The following TRPM3 variants were observed in gnomAD, a reference collection of about 807,000 sequenced individuals.
TRPM3 encodes the protein transient receptor potential cation channel subfamily M member 3.
TRPM3 carries 77 observed loss-of-function variants against 181.2 expected under a neutral mutation model. The observed-to-expected ratio is 0.42, with a 90% CI of 0.35 to 0.51. The LOEUF (loss-of-function observed/expected upper bound fraction) is 0.51, where lower values mean the gene tolerates loss of function less well. Among genes scored for constraint, TRPM3 ranks in the 20% least tolerant of loss-of-function variants. The pLI is 0.01. For missense variants in TRPM3, 1,759 were observed against 2,196.7 expected, an observed-to-expected ratio of 0.80 and a Z score of 3.98; for synonymous variants, 745 against 796.4, an observed-to-expected ratio of 0.94 and a Z score of 1.09.
At chr9:71,299,329 T>C (rs1363163168) in intron 1 of TRPM3, among the ~76,000 whole-genome samples, 1 of 152,222 alleles carries the variant, frequency 6.6e-6, no homozygotes, top group Admixed American at 6.5e-5. Context: ...GACTTAACTC[T>C]GTGCCCAGTG....
intron 1 of TRPM3, among the ~76,000 whole-genome samples, chr9:71,345,188 C>A (rs1337598927): frequency 1.3e-5 from 2 of 152,142 alleles, no homozygotes; most frequent in African/African-American, 4.8e-5. Context: ...GTGGTGATTC[C>A]TCAAGGATCT....
rs1554672201 is a variant in TRPM3, at chr9:70,692,069, CT to C, written c.1273-10492del. ...GGGTTGGACACGCTTGCGGGGCTTT[CT>C]TTTTTCCCCCCTGCCATAGGCAGAG... On this transcript the variant is annotated intron_variant, in intron 8 of 25. Transcript: ENST00000677713. Among the ~76,000 whole-genome samples, 2 of 152,152 alleles carry C rather than the reference CT, an allele frequency of 1.3e-5. 1 individual carries two copies. Among genetic ancestry groups the C allele is most frequent in the Admixed American group, 1.3e-4 (2 of 15,284 alleles).
intron 5 of TRPM3, among the ~76,000 whole-genome samples, chr9:70,832,740 G>A (rs1235417685): frequency 6.6e-6 from 1 of 152,140 alleles, no homozygotes; most frequent in Non-Finnish European, 1.5e-5. Context: ...GCTAATCTAA[G>A]AAAACTGCTT....
intron 1 of TRPM3, among the ~76,000 whole-genome samples, chr9:71,227,173 A>G (rs988532226): frequency 1.3e-5 from 2 of 151,758 alleles, no homozygotes; most frequent in Non-Finnish European, 2.9e-5. Context: ...ATAATGGAAT[A>G]AAACTAGAAA....
intron 7 of TRPM3, among the ~76,000 whole-genome samples, chr9:70,765,573 C>A (rs2078949259): frequency 6.6e-6 from 1 of 152,004 alleles, no homozygotes; most frequent in Non-Finnish European, 1.5e-5. Flanking sequence ...GCCTGGGCAG[C>A]AAAGCACGAC....
intron 1 of TRPM3, among the ~76,000 whole-genome samples, chr9:71,336,590 A>G (rs767485972): frequency 7.2e-5 from 11 of 152,122 alleles, no homozygotes; most frequent in Non-Finnish European, 1.3e-4. Context: ...TCACTGAATT[A>G]GAAAAAAACT....
At chr9:71,006,820 G>A (rs1161636837) in intron 1 of TRPM3, among the ~76,000 whole-genome samples, 44 of 146,480 alleles carry the variant, frequency 3.0e-4, no homozygotes, top group African/African-American at 1.1e-3. Flanking sequence ...GCAGTGAGCC[G>A]AGATCGCGCC....
chr9:71,256,412 C>T (rs944092035), intron 1 of TRPM3, among the ~76,000 whole-genome samples: 5 of 152,028 alleles, frequency 3.3e-5, no homozygotes, highest in African/African-American at 1.2e-4. Flanking sequence ...GATTGAAGAA[C>T]ATTGATGATA....
chr9:71,318,619 G>C (rs1028571247), intron 1 of TRPM3, among the ~76,000 whole-genome samples: 5 of 152,046 alleles, frequency 3.3e-5, no homozygotes, highest in Admixed American at 2.0e-4. Context: ...CTAATGGTAG[G>C]TGCAAAAGTA....
chr9:70,620,562 T>C (rs2063472273), intron 15 of TRPM3, among the ~76,000 whole-genome samples, 197 bp from the exon 16 acceptor site: 1 of 152,194 alleles, frequency 6.6e-6, no homozygotes, highest in Non-Finnish European at 1.5e-5. Context: ...ATAAGCACAG[T>C]GCTGAGGGAA....
At chr9:70,691,348 T>C (rs2068483777) in intron 8 of TRPM3, among the ~76,000 whole-genome samples, 2 of 148,466 alleles carry the variant, frequency 1.3e-5, no homozygotes, top group Non-Finnish European at 3.0e-5. Flanking sequence ...ATTATTTGAC[T>C]TTCAAAAGGA....
chr9:71,111,295 TCA>T (rs1180196513), intron 1 of TRPM3, among the ~76,000 whole-genome samples: 15 of 152,126 alleles, frequency 9.9e-5, no homozygotes, highest in Non-Finnish European at 1.5e-5. Flanking sequence ...TCCCTTCCTA[TCA>T]CTAGGAAGTA....
rs1459726819 is a variant in TRPM3 at position 70,598,511 on chromosome 9, A to C, written c.2956T>G (p.Cys986Gly). 6.2e-7 allele frequency: 1 copy of C among 1,614,234 alleles called. No homozygotes were observed. Among genetic ancestry groups the C allele is most frequent in the Admixed American group, 1.7e-5 (1 of 60,022 alleles). The change falls in exon 21 of 26, where the codon TGC (cysteine) becomes GGC (glycine). Residue 986 changes from cysteine (C) to glycine (G), a missense_variant. Around this residue, in one of 8 missense-constraint regions of TRPM3, gnomAD observed 100 missense variants for 123.0 expected, o/e 0.81. Transcript: ENST00000677713. ...ATATACCAGTAAATGATGTTCACGC[A>C]GTAGATGACCCTCCCGTCACTCCTG... is the stretch of plus-strand genomic sequence containing the variant. Reference protein sequence around the residue: ...PFRSDGRVIYCVNIIYWYIRL... With the variant: ...PFRSDGRVIYGVNIIYWYIRL...
chr9:71,446,891 C>G, upstream of TRPM3: 3 of 1,446,636 alleles, frequency 2.1e-6, no homozygotes, highest in Non-Finnish European at 2.8e-6. Flanking sequence ...CTCTCGCTGG[C>G]TCCTCGCCGC....
At chr9:71,047,964 T>TACTTC (rs1419416337) in intron 1 of TRPM3, among the ~76,000 whole-genome samples, 1 of 152,166 alleles carries the variant, frequency 6.6e-6, no homozygotes, top group Non-Finnish European at 1.5e-5. Context: ...ACGTATTAGG[T>TACTTC]ACTTCATAAT....
chr9:70,696,625 C>A (rs564315286), intron 8 of TRPM3, among the ~76,000 whole-genome samples: 2 of 152,312 alleles, frequency 1.3e-5, no homozygotes, highest in South Asian at 4.1e-4. Flanking sequence ...TGTGCGCAAA[C>A]CCGTGTTTGA....
chr9:71,257,248 G>T (rs2082728708), intron 1 of TRPM3, among the ~76,000 whole-genome samples: 1 of 152,152 alleles, frequency 6.6e-6, no homozygotes, highest in African/African-American at 2.4e-5. Flanking sequence ...AAATGGAAGG[G>T]ATGGGCTCTT....
rs193106508 is a variant in TRPM3, at chr9:70,659,639, C to A, written c.1346-18979G>T. 1.2e-3 allele frequency among the ~76,000 whole-genome samples: 181 copies of A among 152,150 alleles called. 1 individual carries two copies. The highest frequency in any genetic ancestry group is 4.1e-3 in the African/African-American group (170 of 41,516). ...ATTATGTTTCAAAAACTATAGTATA[C>A]CTGTTGTTAGATTCTAGTCTTGTCT... On this transcript the variant is annotated intron_variant, in intron 9 of 25. Coordinates refer to ENST00000677713, the MANE Select transcript of TRPM3 (RefSeq NM_001366145.2).
chr9:71,301,086 A>C (rs78063320), intron 1 of TRPM3, among the ~76,000 whole-genome samples: 1 of 152,192 alleles, frequency 6.6e-6, no homozygotes, highest in African/African-American at 2.4e-5. Flanking sequence ...ATTTAAAAGC[A>C]TAAGAAGAAA....
Sources: allele counts gnomAD v4.1 joint callset (sites outside exome capture counted in the v4.1 genomes callset), GRCh38; gene constraint gnomAD v4.1.1; regional missense constraint gnomAD v4.1.1; transcripts MANE v1.5; gene names NCBI Gene and HGNC (gene_info 2026-07-23, HGNC 2026-07-21).